YAP1: variants seen among roughly 807,000 people sequenced by gnomAD.
YAP1 encodes Yes1 associated transcriptional regulator.
In YAP1, 5 loss-of-function variants were observed where a neutral mutation model predicts 56.9. The observed-to-expected ratio is 0.09, with a 90% CI of 0.05 to 0.18. The LOEUF is 0.18. Among genes scored for constraint, YAP1 ranks in the 10% least tolerant of loss-of-function variants. The probability of loss-of-function intolerance (pLI) is 1.00; values close to 1 mark genes in which losing one functional copy is unlikely to be tolerated. For synonymous variants in YAP1, 265 were observed against 248.1 expected (o/e 1.07, Z -0.64); for missense variants, 539 against 651.8 (o/e 0.83, Z 1.88).
chr11:102,179,723 C>T (rs1428582405), intron 3 of YAP1, among the ~76,000 whole-genome samples: 1 of 151,990 alleles, frequency 6.6e-6, no homozygotes, highest in African/African-American at 2.4e-5. Context: ...ATTTTTGCTG[C>T]ACGTATCATT....
chr11:102,224,438 T>C (rs1950094258), intron 7 of YAP1, among the ~76,000 whole-genome samples: 1 of 152,228 alleles, frequency 6.6e-6, no homozygotes, highest in Admixed American at 6.5e-5. Context: ...AAATTCCTTC[T>C]TCTAGGTTGT....
At chr11:102,124,028 C>T (rs889965912) in intron 2 of YAP1, among the ~76,000 whole-genome samples, 1 of 150,900 alleles carries the variant, frequency 6.6e-6, no homozygotes, top group East Asian at 2.0e-4. Context: ...CTCGGCTCAT[C>T]GCAATCTCTG....
chr11:102,197,606 G>A (rs1207272794), intron 4 of YAP1, among the ~76,000 whole-genome samples: 1 of 152,144 alleles, frequency 6.6e-6, no homozygotes, highest in Non-Finnish European at 1.5e-5. Context: ...CTACCATAAA[G>A]CTGTCAGGGC....
At chr11:102,154,574 T>C (rs894551534) in intron 2 of YAP1, among the ~76,000 whole-genome samples, 2 of 152,146 alleles carry the variant, frequency 1.3e-5, no homozygotes, top group African/African-American at 4.8e-5. Context: ...GGAAGAATGA[T>C]GGGTGACTAT....
At chr11:102,214,937 A>G (rs1014501786) in intron 6 of YAP1, among the ~76,000 whole-genome samples, 4 of 152,198 alleles carry the variant, frequency 2.6e-5, no homozygotes, top group Non-Finnish European at 2.9e-5. Context: ...GTGATTTTTC[A>G]GAGTTTAAGA....
intron 6 of YAP1, among the ~76,000 whole-genome samples, chr11:102,210,991 G>A (rs1358269753): frequency 1.3e-5 from 2 of 152,032 alleles, no homozygotes; most frequent in Non-Finnish European, 2.9e-5. Context: ...TCCTGACCTC[G>A]TGATCCGCCC....
At chr11:102,116,548 C>T (rs1270004123) in intron 2 of YAP1, among the ~76,000 whole-genome samples, 1 of 152,166 alleles carries the variant, frequency 6.6e-6, no homozygotes, top group African/African-American at 2.4e-5. Flanking sequence ...CCCCAGTCAC[C>T]TCAATTCACC....
intron 4 of YAP1, among the ~76,000 whole-genome samples, chr11:102,196,897 T>G (rs1417503997): frequency 6.6e-6 from 1 of 152,208 alleles, no homozygotes; most frequent in African/African-American, 2.4e-5. Context: ...AAGATAGCTT[T>G]TCAGTGTGAA....
chr11:102,135,289 T>A (rs1335631339), intron 2 of YAP1, among the ~76,000 whole-genome samples: 2 of 152,262 alleles, frequency 1.3e-5, no homozygotes, highest in African/African-American at 4.8e-5. Flanking sequence ...ACCCTAAAAC[T>A]TACGGCTTAA....
intron 2 of YAP1, among the ~76,000 whole-genome samples, chr11:102,147,183 T>C (rs1945372264): frequency 1.3e-5 from 2 of 152,232 alleles, no homozygotes; most frequent in African/African-American, 2.4e-5. Context: ...ACCACTGTTA[T>C]ATACTAAAAT....
chr11:102,115,055 C>G lies in YAP1; in HGVS notation c.572+661C>G, dbSNP rs534599237. Among the ~76,000 whole-genome samples, 8 of 152,236 alleles carry G rather than the reference C, an allele frequency of 5.3e-5. No individual in the cohort carries two copies. In the East Asian group the frequency reaches 1.5e-3, roughly 29 times the overall value. ...CTCTCTGGGAAAACAAAAACATGAC[C>G]GTTGGGTTGTTTATTTATTTTTATT... On this transcript the variant is annotated intron_variant, in intron 2 of 8. Coordinates refer to ENST00000282441, the MANE Select transcript of YAP1 (RefSeq NM_001130145.3).
At chr11:102,189,227 G>T (rs1948148876) in intron 4 of YAP1, among the ~76,000 whole-genome samples, 1 of 151,832 alleles carries the variant, frequency 6.6e-6, no homozygotes, top group Admixed American at 6.6e-5. Flanking sequence ...ATGAGTCTCA[G>T]GTTTAAACAT....
At chr11:102,128,157 A>G (rs1284446998) in intron 2 of YAP1, among the ~76,000 whole-genome samples, 1 of 152,152 alleles carries the variant, frequency 6.6e-6, no homozygotes, top group Non-Finnish European at 1.5e-5. Context: ...TTGGGAAGGC[A>G]TGATTGGTTT....
At chr11:102,202,118 A>AT (rs1243924578) in intron 4 of YAP1, among the ~76,000 whole-genome samples, 3 of 151,712 alleles carry the variant, frequency 2.0e-5, no homozygotes, top group Non-Finnish European at 4.4e-5. Context: ...TTTCATAATG[A>AT]TTTTTTTTCC....
chr11:102,200,173 A>G (rs1297135320), intron 4 of YAP1, among the ~76,000 whole-genome samples: 1 of 152,266 alleles, frequency 6.6e-6, no homozygotes, highest in African/African-American at 2.4e-5. Context: ...AGTTAGATTA[A>G]TAAAATAAAA....
Position 102,229,775 on chromosome 11 carries a change from G to A in YAP1, c.1350G>A (p.Gly450=). ...CAGACTACCTTGAAGCCATTCCTGGGACAAATGTGGACCTTGGAACACTGG... is the reference window on the plus strand; with the variant it reads ...CAGACTACCTTGAAGCCATTCCTGGAACAAATGTGGACCTTGGAACACTGG... The part of the protein sequence containing the change: ...RFPDYLEAIP[G]TNVDLGTLEG... Residue 450 remains glycine, a synonymous_variant, in exon 9 of 9, where the codon GGG becomes GGA. Transcript: ENST00000282441. The A allele has an allele frequency of 6.2e-7, 1 of 1,614,152 alleles. No homozygotes were observed. Among genetic ancestry groups the A allele is most frequent in the Non-Finnish European group, 8.5e-7 (1 of 1,179,998 alleles).
chr11:102,198,153 T>C (rs1948667294), intron 4 of YAP1, among the ~76,000 whole-genome samples: 1 of 152,208 alleles, frequency 6.6e-6, no homozygotes, highest in South Asian at 2.1e-4. Flanking sequence ...TTACATAATT[T>C]TGTGCAAGTT....
chr11:102,195,113 A>G (rs1026855667), intron 4 of YAP1, among the ~76,000 whole-genome samples: 40 of 152,224 alleles, frequency 2.6e-4, no homozygotes, highest in Middle Eastern at 3.4e-3. Context: ...CTTAAAGTTT[A>G]TTTTCATAGT....
rs1950099989 is a variant in YAP1 at position 102,224,581 on chromosome 11, TTC to T, written c.1163+832_1163+833del. Among the ~76,000 whole-genome samples the T allele has an allele frequency of 2.6e-5, 4 of 152,330 alleles. 1 individual carries two copies. The South Asian group carries it at 8.3e-4, about 32-fold the overall frequency. On this transcript the variant is annotated intron_variant, in intron 7 of 8. Coordinates refer to ENST00000282441, the MANE Select transcript of YAP1 (RefSeq NM_001130145.3). ...GAAAACTATTACACCACCTTTTCAG[TTC>T]TCACCAATTGAATTGGAAACTTAGT...
Sources: gnomAD v4.1 joint callset for allele counts (sites outside exome capture counted in the v4.1 genomes callset) on GRCh38, gnomAD v4.1.1 for gene constraint, MANE v1.5 for transcripts, NCBI Gene and HGNC (gene_info 2026-07-23, HGNC 2026-07-21) for gene names.